Variants in MKI67 observed in about 807,000 individuals in gnomAD.
The protein encoded by MKI67 is marker of proliferation Ki-67, also known as proliferation marker protein Ki-67.
Under a neutral mutation model 233.5 loss-of-function variants are expected in MKI67, and 152 were observed. That is an observed-to-expected ratio of 0.65 (90% confidence interval 0.57 to 0.74). The LOEUF (loss-of-function observed/expected upper bound fraction) is 0.74, where lower values mean the gene tolerates loss of function less well. Ranked by LOEUF, MKI67 falls within the 30% of genes least tolerant of loss-of-function variation. The pLI, the probability that MKI67 is intolerant of heterozygous loss-of-function variation, is 0.00. For synonymous variants in MKI67, 1,465 were observed against 1,418.5 expected (o/e 1.03, Z -0.74); for missense variants, 3,940 against 3,885.2 (o/e 1.01, Z -0.37).
At position 128,097,320 on chromosome 10, in the gene MKI67, A is replaced by T. The variant is rs1852231725; in HGVS notation, c.*1870T>A. The T allele has an allele frequency of 6.6e-6, 1 of 152,086 alleles. No homozygotes were observed. The allele number at this position is 152,086 out of a possible 1,614,324, so 9.4% of individuals were successfully genotyped here. On this transcript the variant is annotated 3_prime_UTR_variant, in exon 15 of 15. Coordinates refer to ENST00000368654, the MANE Select transcript of MKI67 (RefSeq NM_002417.5). ...GGAGGGTTGTGTAGAAGTGGTGTTC[A>T]TCTATTAAACACGGGGGTAGCCCTT...
intron 13 of MKI67, 61 bp from the exon 14 acceptor site, chr10:128,101,762 C>A: frequency 7.8e-7 from 1 of 1,282,516 alleles, no homozygotes; most frequent in South Asian, 1.4e-5. Flanking sequence ...CTTCAAAATT[C>A]AACAGGGAGC....
intron 4 of MKI67, among the ~76,000 whole-genome samples, chr10:128,121,545 T>C (rs907402475): frequency 7.4e-6 from 1 of 134,470 alleles, no homozygotes; most frequent in Non-Finnish European, 1.6e-5. Flanking sequence ...TATATTATAA[T>C]TATATATGAT....
In MKI67 at chr10:128,097,142, T is replaced by C. The variant is rs911356476; in HGVS notation, c.*2048A>G. Reference sequence around the variant, plus strand: ...AAAAGTAAAAACAGCTTGTATTTAATGGGAATGTCCTATTACATGGAAATT... The same window carrying C: ...AAAAGTAAAAACAGCTTGTATTTAACGGGAATGTCCTATTACATGGAAATT... On this transcript the variant is annotated 3_prime_UTR_variant, in exon 15 of 15. Transcript: ENST00000368654. 22 of 152,184 alleles carry C rather than the reference T, an allele frequency of 1.4e-4. No homozygotes were observed. Among genetic ancestry groups the C allele is most frequent in the African/African-American group, 3.9e-4 (16 of 41,426 alleles). The allele number at this position is 152,184 out of a possible 1,614,324, so 9.4% of individuals were successfully genotyped here.
rs61729203 is a variant in MKI67 at position 128,107,184 on chromosome 10, G to A, written c.4656C>T (p.Tyr1552=). 1,089 of 1,614,064 alleles carry A rather than the reference G, an allele frequency of 6.7e-4. 5 individuals are homozygous for A. In the African/African-American group the frequency reaches 8.7e-3, roughly 13 times the overall value. The change falls in exon 13 of 15, where the codon TAC becomes TAT. Residue 1552 remains tyrosine, a synonymous_variant. Coordinates refer to ENST00000368654, the MANE Select transcript of MKI67 (RefSeq NM_002417.5). ...TCTGCACTGGAGTTCCCATAAATGC[G>A]TAGATGTTTTTCTCACCACTTACTG... The part of the protein sequence containing the change: ...KPAVSGEKNI[Y]AFMGTPVQKL...
intron 5 of MKI67, among the ~76,000 whole-genome samples, chr10:128,117,085 G>T (rs1338414322): frequency 1.3e-5 from 2 of 152,240 alleles, no homozygotes; most frequent in East Asian, 3.9e-4. Flanking sequence ...CAAATTCGAG[G>T]CTTAAAATTA....
intron 7 of MKI67, among the ~76,000 whole-genome samples, chr10:128,114,556 C>T (rs1195205270): frequency 6.6e-6 from 1 of 151,314 alleles, no homozygotes; most frequent in Non-Finnish European, 1.5e-5. Flanking sequence ...CATGACCAAA[C>T]TCATATGATA....
chr10:128,110,232 C>T, intron 12 of MKI67, 146 bp downstream of exon 12: 1 of 559,060 alleles, frequency 1.8e-6, no homozygotes, highest in Non-Finnish European at 2.9e-6. Context: ...TGAAATCTCC[C>T]TTTCAATTAG....
At chr10:128,118,619 T>C (rs1225317124) in intron 5 of MKI67, among the ~76,000 whole-genome samples, 1 of 152,168 alleles carries the variant, frequency 6.6e-6, no homozygotes, top group Non-Finnish European at 1.5e-5. Context: ...AACTGTGTTT[T>C]AATAAGCTGT....
Position 128,113,612 on chromosome 10 carries a change from C to G in MKI67, c.1481-10G>C, listed in dbSNP as rs771754132. 10 of 1,610,934 alleles carry G rather than the reference C, an allele frequency of 6.2e-6. No individual in the cohort carries two copies. Among genetic ancestry groups the G allele is most frequent in the Non-Finnish European group, 5.9e-6 (7 of 1,177,848 alleles). ...ATTCCCTCACTCTCATCTAAAGTAA[C>G]GGATACAAATGTGGAAAGAGCAATG... is the stretch of plus-strand genomic sequence containing the variant. On this transcript the variant is annotated splice_polypyrimidine_tract_variant and intron_variant, in intron 7 of 14. Coordinates refer to ENST00000368654, the MANE Select transcript of MKI67 (RefSeq NM_002417.5).
chr10:128,122,930 C>G lies in MKI67; in HGVS notation c.238G>C (p.Val80Leu). 3.1e-6 allele frequency: 5 copies of G among 1,605,266 alleles called. No individual in the cohort carries two copies. The highest frequency in any genetic ancestry group is 4.3e-6 in the Non-Finnish European group (5 of 1,173,324). Residue 80 changes from valine (V) to leucine (L), a missense_variant, in exon 4 of 15, where the codon GTA becomes CTA. Coordinates refer to ENST00000368654, the MANE Select transcript of MKI67 (RefSeq NM_002417.5). The stretch of plus-strand genomic sequence containing the variant: ...ATTACATCTCCATGTTTTAGCCGTA[C>G]AGGCTCATCAATAACAGACCCATTT... ...QVNGSVIDEP[V>L]RLKHGDVITI... is the part of the protein sequence containing the mutation.
chr10:128,119,402 G>T, intron 4 of MKI67, 83 bp from the exon 5 acceptor site: 1 of 914,852 alleles, frequency 1.1e-6, no homozygotes, highest in Non-Finnish European at 1.7e-6. Context: ...AATGTCCAAG[G>T]ATCAACGAAC....
At position 128,106,776 on chromosome 10, in the gene MKI67, T is replaced by G. The variant is rs1852508964; in HGVS notation, c.5064A>C (p.Ala1688=). The G allele has an allele frequency of 1.2e-6, 2 of 1,613,684 alleles. No individual in the cohort carries two copies. Among genetic ancestry groups the G allele is most frequent in the Non-Finnish European group, 1.7e-6 (2 of 1,179,966 alleles). Residue 1688 remains alanine, a synonymous_variant, in exon 13 of 15, where the codon GCA becomes GCC. Transcript: ENST00000368654. ...GCTGCCTCTTGCTGCCAGTTAGACT[T>G]GCTGCTGAGTCTAAGATCTGCTTTG... The part of the protein sequence containing the change: ...ESPKQILDSA[A]SLTGSKRQLR...
At chr10:128,113,727 G>A (rs1235648229) in intron 7 of MKI67, 125 bp from the exon 8 acceptor site, 12 of 805,620 alleles carry the variant, frequency 1.5e-5, no homozygotes, top group Admixed American at 1.3e-4. Flanking sequence ...CCTACAGCAC[G>A]CCTCTATTCT....
In MKI67 at chr10:128,123,075, C is replaced by CA. The variant is rs1386565628; in HGVS notation, c.171+15dup. On this transcript the variant is annotated intron_variant, in intron 3 of 14. Coordinates refer to ENST00000368654, the MANE Select transcript of MKI67 (RefSeq NM_002417.5). ...CTAAAAAGCTTTAAAAGTAGATCTT[C>CA]AAAAAACCCACTCACCTCCTGCTCA... 2 of 1,610,742 alleles carry CA rather than the reference C, an allele frequency of 1.2e-6. No homozygotes were observed. Among genetic ancestry groups the CA allele is most frequent in the Admixed American group, 1.7e-5 (1 of 59,874 alleles).
In MKI67 at chr10:128,113,476, C is replaced by A; in HGVS notation, c.1607G>T (p.Arg536Ile). The A allele has an allele frequency of 1.2e-6, 2 of 1,614,172 alleles. No individual in the cohort carries two copies. Among genetic ancestry groups the A allele is most frequent in the Non-Finnish European group, 1.7e-6 (2 of 1,180,030 alleles). The change falls in exon 8 of 15, where the codon AGA (arginine) becomes ATA (isoleucine). Residue 536 changes from arginine (R) to isoleucine (I), a missense_variant. By Grantham distance (97) the Arg-to-Ile change is moderately conservative (BLOSUM62 -3). Coordinates refer to ENST00000368654, the MANE Select transcript of MKI67 (RefSeq NM_002417.5). ...TGGAGTGTGCATTACCAGAGACTTT[C>A]TTTTGGTTGGGGCTTCTCCCCTTTT... ...PLKRGEAPTK[R>I]KSLVMHTPPV...
intron 12 of MKI67, among the ~76,000 whole-genome samples, chr10:128,109,941 T>C (rs910594929): frequency 2.6e-5 from 4 of 152,158 alleles, no homozygotes; most frequent in Non-Finnish European, 5.9e-5. Flanking sequence ...GATTCTCATC[T>C]CCCATCTCAC....
chr10:128,100,734 C>G lies in MKI67; in HGVS notation c.9705+524G>C, dbSNP rs11016070. ...TAAAGTTCATTAGCTTAGATAGTCT[C>G]TGGCTGGAGGAGGGTTGGAGGGCAG... On this transcript the variant is annotated intron_variant, in intron 14 of 14. Coordinates refer to ENST00000368654, the MANE Select transcript of MKI67 (RefSeq NM_002417.5). Among the ~76,000 whole-genome samples, 861 of 152,322 alleles carry G rather than the reference C, an allele frequency of 5.7e-3. 9 individuals are homozygous for G. Among genetic ancestry groups the G allele is most frequent in the Admixed American group, 9.9e-3 (152 of 15,298 alleles).
rs1565007833 is a variant in MKI67, at chr10:128,109,081, CCTT to C, written c.2756_2758del (p.Glu919del). On this transcript the variant is annotated inframe_deletion, in exon 13 of 15. Transcript: ENST00000368654. Reference sequence around the variant, plus strand: ...AGGTCTTTCTATTTCCTTCATCTCTCCTTCTCTCCTTTGTTGTAGTAGTGTTGC... The same window carrying C: ...AGGTCTTTCTATTTCCTTCATCTCTCCTCTCCTTTGTTGTAGTAGTGTTGC... 4 of 1,614,168 alleles carry C rather than the reference CCTT, an allele frequency of 2.5e-6. No homozygotes were observed. Among genetic ancestry groups the C allele is most frequent in the Non-Finnish European group, 3.4e-6 (4 of 1,180,030 alleles).
intron 7 of MKI67, among the ~76,000 whole-genome samples, chr10:128,113,883 A>G (rs1852735974): frequency 6.6e-6 from 1 of 152,174 alleles, no homozygotes; most frequent in Non-Finnish European, 1.5e-5. Context: ...AGGAGTCTGC[A>G]GCAGCAGATT....
Sources: gnomAD v4.1 joint callset for allele counts (sites outside exome capture counted in the v4.1 genomes callset) on GRCh38, gnomAD v4.1.1 for gene constraint, MANE v1.5 for transcripts, NCBI Gene and HGNC (gene_info 2026-07-23, HGNC 2026-07-21) for gene names.